RAPH1: variants seen among roughly 807,000 people sequenced by gnomAD.
RAPH1 encodes the protein Ras association (RalGDS/AF-6) and pleckstrin homology domains 1.
Under a neutral mutation model 88.1 loss-of-function variants are expected in RAPH1, and 18 were observed. The ratio of observed to expected loss-of-function variants is 0.20; its 90% CI spans 0.14 to 0.30. The LOEUF (loss-of-function observed/expected upper bound fraction) is 0.30, where lower values mean the gene tolerates loss of function less well. Ranked by LOEUF, RAPH1 falls within the 10% of genes least tolerant of loss-of-function variation. The probability of loss-of-function intolerance (pLI) is 1.00; values close to 1 mark genes in which losing one functional copy is unlikely to be tolerated. For missense variants in RAPH1, 1,448 were observed against 1,543.2 expected, an observed-to-expected ratio of 0.94 and a Z score of 1.03; for synonymous variants, 587 against 559.0, an observed-to-expected ratio of 1.05 and a Z score of -0.71.
intron 10 of RAPH1, among the ~76,000 whole-genome samples, chr2:203,452,907 C>G (rs2098516052): frequency 6.6e-6 from 1 of 152,136 alleles, no homozygotes; most frequent in Admixed American, 6.5e-5. Flanking sequence ...GAGATCACAT[C>G]AGCCAGGGAG....
intron 3 of RAPH1, 146 bp downstream of exon 3, chr2:203,491,063 AAAAAG>A (rs1189032476): frequency 1.9e-6 from 1 of 513,028 alleles, no homozygotes; most frequent in Non-Finnish European, 3.3e-6. Context: ...AAAAAAAAGA[AAAAAG>A]AAAAGAAAAA....
intron 1 of RAPH1, among the ~76,000 whole-genome samples, chr2:203,527,800 C>CAGA (rs1690192235): frequency 2.0e-5 from 1 of 51,240 alleles, no homozygotes; most frequent in Non-Finnish European, 4.3e-5. Flanking sequence ...AACTCCATCT[C>CAGA]AAAAAAAAAA....
intron 9 of RAPH1, among the ~76,000 whole-genome samples, chr2:203,454,926 T>C (rs1349883568): frequency 1.3e-5 from 2 of 152,170 alleles, no homozygotes; most frequent in Non-Finnish European, 2.9e-5. Flanking sequence ...GATTCGCAAC[T>C]GGTTGGGGGG....
At chr2:203,452,539 C>T (rs934250180) in intron 10 of RAPH1, among the ~76,000 whole-genome samples, 2 of 152,180 alleles carry the variant, frequency 1.3e-5, no homozygotes, top group African/African-American at 4.8e-5. Flanking sequence ...ATGCTTTTCT[C>T]CTGTTGATCT....
At chr2:203,465,217 T>G (rs749997259) in intron 4 of RAPH1, among the ~76,000 whole-genome samples, 1 of 152,214 alleles carries the variant, frequency 6.6e-6, no homozygotes, top group Non-Finnish European at 1.5e-5. Context: ...ACCTTATTCA[T>G]GAGTGCCAAA....
chr2:203,491,574 G>A (rs1368311042), intron 2 of RAPH1, among the ~76,000 whole-genome samples: 1 of 151,964 alleles, frequency 6.6e-6, no homozygotes, highest in African/African-American at 2.4e-5. Flanking sequence ...AGGCTTAAGT[G>A]CCGTGCCACA....
chr2:203,522,504 C>T (rs1689928469), intron 1 of RAPH1, among the ~76,000 whole-genome samples: 1 of 152,112 alleles, frequency 6.6e-6, no homozygotes, highest in Non-Finnish European at 1.5e-5. Flanking sequence ...ACTAGGTATT[C>T]AATGTAATTA....
intron 13 of RAPH1, chr2:203,442,249 G>A: frequency 1.7e-6 from 1 of 578,764 alleles, no homozygotes. Flanking sequence ...CATCTGGGTA[G>A]CTGAAATGAT....
At chr2:203,463,870 T>C (rs2098526282) in intron 4 of RAPH1, among the ~76,000 whole-genome samples, 5 of 152,238 alleles carry the variant, frequency 3.3e-5, no homozygotes, top group Admixed American at 3.3e-4. Context: ...ATTACTGTCA[T>C]TAAAACTCTC....
At chr2:203,457,130 T>TAG (rs879353740) in intron 8 of RAPH1, among the ~76,000 whole-genome samples, 5 of 152,038 alleles carry the variant, frequency 3.3e-5, no homozygotes, top group Non-Finnish European at 7.4e-5. Flanking sequence ...ACTACAAATA[T>TAG]AGAACACTGA....
At chr2:203,442,057 G>T (rs749326290) in intron 13 of RAPH1, 4 of 1,595,562 alleles carry the variant, frequency 2.5e-6, no homozygotes, top group Admixed American at 3.5e-5. Flanking sequence ...AGGTAAAGGG[G>T]GGACATTCTT....
Position 203,439,559 on chromosome 2 carries a change from A to ACAG in RAPH1, c.3628_3630dup (p.Leu1210dup). On this transcript the variant is annotated inframe_insertion, in exon 14 of 14. Coordinates refer to ENST00000319170, the MANE Select transcript of RAPH1 (RefSeq NM_213589.3). ...CCGTAACCAGCCTTCTGTTGATCAGACAGCAGTTCAGGGGGTGGTGGAGGC... is the reference window on the plus strand; with the variant it reads ...CCGTAACCAGCCTTCTGTTGATCAGACAGCAGCAGTTCAGGGGGTGGTGGAGGC... The ACAG allele has an allele frequency of 6.2e-7, 1 of 1,614,106 alleles. No homozygotes were observed.
intron 1 of RAPH1, chr2:203,533,453 A>G (rs960404852): frequency 1.3e-4 from 20 of 152,256 alleles, no homozygotes; most frequent in African/African-American, 4.6e-4. Flanking sequence ...ACTCAACAAG[A>G]GTTAAAAGCT....
At chr2:203,482,866 G>A (rs1197093451) in intron 4 of RAPH1, among the ~76,000 whole-genome samples, 3 of 152,088 alleles carry the variant, frequency 2.0e-5, no homozygotes, top group South Asian at 4.1e-4. Flanking sequence ...AGTAAGGGGA[G>A]CTCCATTTTT....
intron 1 of RAPH1, among the ~76,000 whole-genome samples, chr2:203,521,329 C>T (rs540135126): frequency 1.2e-4 from 19 of 152,252 alleles, no homozygotes; most frequent in Non-Finnish European, 2.4e-4. Flanking sequence ...GCTGGGATTA[C>T]AGGCATGAGC....
chr2:203,504,116 G>A (rs1228308900), intron 1 of RAPH1, among the ~76,000 whole-genome samples: 1 of 152,158 alleles, frequency 6.6e-6, no homozygotes, highest in East Asian at 1.9e-4. Flanking sequence ...CCATTCTGGG[G>A]TCTGGAGGAC....
chr2:203,508,373 TC>T (rs1689187438), intron 1 of RAPH1, among the ~76,000 whole-genome samples: 1 of 152,016 alleles, frequency 6.6e-6, no homozygotes, highest in African/African-American at 2.4e-5. Flanking sequence ...CCTCAGGTGA[TC>T]CGCCTGCCTC....
rs570125130 is a variant in RAPH1, at chr2:203,489,879, G to A, written c.437C>T (p.Pro146Leu). The A allele has an allele frequency of 4.5e-5, 73 of 1,614,234 alleles. 1 individual carries two copies. In the South Asian group the frequency reaches 7.7e-4, roughly 17 times the overall value. ...GTCCAAGGAGTAGCTGGCATGGGAA[G>A]GTTTAGCTATCCTATTAGATGAAGA... ...LSSSSNRIAK[P>L]SHASYSLDDV... The change falls in exon 4 of 14, where the codon CCT (proline) becomes CTT (leucine). Residue 146 changes from proline to leucine, a missense_variant. Physicochemically the swap from Pro to Leu is moderately conservative, Grantham distance 98. Transcript: ENST00000319170.
At chr2:203,507,941 G>A (rs960553556) in intron 1 of RAPH1, among the ~76,000 whole-genome samples, 54 of 151,806 alleles carry the variant, frequency 3.6e-4, no homozygotes, top group African/African-American at 1.3e-3. Flanking sequence ...GGCCGGGCAC[G>A]GTGGCTCATG....
Sources: gnomAD v4.1 joint callset for allele counts (sites outside exome capture counted in the v4.1 genomes callset) on GRCh38, gnomAD v4.1.1 for gene constraint, MANE v1.5 for transcripts, NCBI Gene and HGNC (gene_info 2026-07-23, HGNC 2026-07-21) for gene names.